The following ARHGAP26 variants were observed in gnomAD, a reference collection of about 807,000 sequenced individuals.
ARHGAP26 encodes Rho GTPase activating protein 26.
A neutral mutation model predicts 104.8 loss-of-function variants in ARHGAP26; 38 were observed. That is an observed-to-expected ratio of 0.36 (90% CI 0.28 to 0.48). The LOEUF is 0.48. Ranked by LOEUF, ARHGAP26 falls within the 20% of genes least tolerant of loss-of-function variation. The pLI is 0.99. For synonymous variants in ARHGAP26, 341 were observed against 340.0 expected, an observed-to-expected ratio of 1.00 and a Z score of -0.03; for missense variants, 704 against 947.9, an observed-to-expected ratio of 0.74 and a Z score of 3.38.
At chr5:142,909,066 T>G (rs1761497692) in intron 9 of ARHGAP26, among the ~76,000 whole-genome samples, 1 of 152,244 alleles carries the variant, frequency 6.6e-6, no homozygotes, top group African/African-American at 2.4e-5. Flanking sequence ...TTTCCAGGAT[T>G]TGAGATTTGG....
At chr5:143,163,233 A>G (rs76764976) in intron 20 of ARHGAP26, among the ~76,000 whole-genome samples, 13,624 of 152,264 alleles carry the variant, frequency 0.089, 643 homozygotes, top group African/African-American at 0.11. Context: ...CATTGCTGCC[A>G]ATGCAAGATA....
intron 11 of ARHGAP26, among the ~76,000 whole-genome samples, chr5:143,003,109 C>G (rs896139911): frequency 1.3e-5 from 2 of 152,124 alleles, no homozygotes; most frequent in Non-Finnish European, 2.9e-5. Flanking sequence ...GGAGAAGCAC[C>G]CACAACAATC....
At chr5:142,959,018 C>T (rs1454096620) in intron 11 of ARHGAP26, among the ~76,000 whole-genome samples, 1 of 151,780 alleles carries the variant, frequency 6.6e-6, no homozygotes, top group South Asian at 2.1e-4. Context: ...TAGAGACTAT[C>T]AGAGCTTGAG....
At chr5:143,181,032 C>T (rs186134436) in intron 20 of ARHGAP26, among the ~76,000 whole-genome samples, 10 of 152,320 alleles carry the variant, frequency 6.6e-5, no homozygotes, top group African/African-American at 2.2e-4. Context: ...CAACAATGAT[C>T]AAGACCTGTT....
At chr5:142,806,114 GAC>G (rs1762939719) in intron 1 of ARHGAP26, among the ~76,000 whole-genome samples, 1 of 152,194 alleles carries the variant, frequency 6.6e-6, no homozygotes, top group Non-Finnish European at 1.5e-5. Flanking sequence ...TGTTGTCGGA[GAC>G]AGAGTCTTGC....
chr5:142,967,187 C>A (rs149477577), intron 11 of ARHGAP26, among the ~76,000 whole-genome samples: 1,721 of 152,104 alleles, frequency 0.011, 28 homozygotes, highest in African/African-American at 0.039. Flanking sequence ...AGATTCAGGG[C>A]AGGGAAAACA....
At chr5:143,012,576 T>A (rs567947714) in intron 11 of ARHGAP26, among the ~76,000 whole-genome samples, 28 of 57,012 alleles carry the variant, frequency 4.9e-4, no homozygotes, top group African/African-American at 1.1e-3. Context: ...TATATATATA[T>A]TATGATCAGG....
intron 5 of ARHGAP26, among the ~76,000 whole-genome samples, chr5:142,892,966 TCCCAC>T (rs1316371013): frequency 4.1e-5 from 4 of 97,666 alleles, no homozygotes; most frequent in African/African-American, 1.2e-4. Context: ...TCTTCATCCT[TCCCAC>T]CCCACCCCAC....
At chr5:143,048,107 C>T (rs150600242) in intron 14 of ARHGAP26, among the ~76,000 whole-genome samples, 3,947 of 152,180 alleles carry the variant, frequency 0.026, 170 homozygotes, top group African/African-American at 0.09. Context: ...CCTTGGCCTC[C>T]CAAAGTGCTG....
intron 1 of ARHGAP26, among the ~76,000 whole-genome samples, chr5:142,837,287 GA>G (rs1416711586): frequency 4.6e-5 from 7 of 152,138 alleles, no homozygotes; most frequent in Non-Finnish European, 8.8e-5. Flanking sequence ...TACTCTATTG[GA>G]AAGTTCTGTT....
chr5:142,844,410 G>A (rs910808633), intron 1 of ARHGAP26, among the ~76,000 whole-genome samples: 13 of 149,274 alleles, frequency 8.7e-5, no homozygotes, highest in Middle Eastern at 3.5e-3. Context: ...CAGTTTTAAA[G>A]CTTTTTTTTT....
rs115371922 is a variant in ARHGAP26 at position 142,949,540 on chromosome 5, G to T, written c.1107+17415G>T. On this transcript the variant is annotated intron_variant, in intron 11 of 22. Transcript: ENST00000645722. ...TACCCAGAAGGTAGGCTGTTTCCTT[G>T]GATAGGTATCAGTATTTTTTCTTTG... 9.4e-3 allele frequency among the ~76,000 whole-genome samples: 1,429 copies of T among 152,220 alleles called. 21 individuals are homozygous for T. The highest frequency in any genetic ancestry group is 0.032 in the African/African-American group (1,323 of 41,530).
Position 143,222,554 on chromosome 5 carries a change from C to T in ARHGAP26, c.*108C>T, listed in dbSNP as rs183527925. The stretch of plus-strand genomic sequence containing the variant: ...CCACTGAGAAATGCAGCGTGACTGA[C>T]TCTGTTGCTACCTGTCAACATGAAT... On this transcript the variant is annotated 3_prime_UTR_variant, in exon 23 of 23. Coordinates refer to ENST00000645722, the MANE Select transcript of ARHGAP26 (RefSeq NM_001135608.3). 2.4e-4 allele frequency: 196 copies of T among 815,334 alleles called. No individual in the cohort carries two copies. The African/African-American group carries it at 2.9e-3, about 12-fold the overall frequency. The allele number at this position is 815,334 out of a possible 1,614,324, so 50.5% of individuals were successfully genotyped here.
Position 143,014,090 on chromosome 5 carries a change from C to T in ARHGAP26, c.1118C>T (p.Ser373Leu), listed in dbSNP as rs1420238516. Residue 373 changes from serine (S) to leucine (L), a missense_variant, in exon 12 of 23, where the codon TCG (serine) becomes TTG (leucine). Coordinates refer to ENST00000645722, the MANE Select transcript of ARHGAP26 (RefSeq NM_001135608.3). ...AMDGREPVYN[S>L]NKDSQSEGTA... is the part of the protein sequence containing the mutation. ...ATTTTTATTTTCCAGGTCTACAACT[C>T]GAACAAAGACAGCCAGAGTGAAGGG... 6.2e-6 allele frequency: 10 copies of T among 1,614,104 alleles called. No homozygotes were observed. In the South Asian group the frequency reaches 9.9e-5, roughly 16 times the overall value.
intron 11 of ARHGAP26, among the ~76,000 whole-genome samples, chr5:142,997,108 T>C (rs943319565): frequency 3.2e-4 from 48 of 150,128 alleles, no homozygotes; most frequent in Non-Finnish European, 6.7e-4. Flanking sequence ...AAACTTTATA[T>C]ATATGCATTT....
rs547419113 is a variant in ARHGAP26 at position 142,962,581 on chromosome 5, A to T, written c.1107+30456A>T. Among the ~76,000 whole-genome samples, 18 of 152,196 alleles carry T rather than the reference A, an allele frequency of 1.2e-4. No individual in the cohort carries two copies. The South Asian group carries it at 1.9e-3, about 16-fold the overall frequency. ...CCACAAGAATTTTCCTTGTTTGACT[A>T]ACAGGCCTGAATGGTGAAAGGTTTT... On this transcript the variant is annotated intron_variant, in intron 11 of 22. Coordinates refer to ENST00000645722, the MANE Select transcript of ARHGAP26 (RefSeq NM_001135608.3).
At chr5:143,143,849 G>A (rs1001040500) in intron 19 of ARHGAP26, among the ~76,000 whole-genome samples, 20 of 152,168 alleles carry the variant, frequency 1.3e-4, no homozygotes, top group African/African-American at 4.8e-4. Context: ...CATGCAGTTT[G>A]TCACTCCTTA....
At chr5:142,808,236 G>GAAA (rs58550799) in intron 1 of ARHGAP26, among the ~76,000 whole-genome samples, 2 of 32,698 alleles carry the variant, frequency 6.1e-5, no homozygotes, top group Admixed American at 4.4e-4. Context: ...CATTGTCTCG[G>GAAA]AAAAAAAAAA....
intron 1 of ARHGAP26, among the ~76,000 whole-genome samples, chr5:142,816,438 C>G (rs1244282017): frequency 6.6e-6 from 1 of 152,166 alleles, no homozygotes; most frequent in Non-Finnish European, 1.5e-5. Context: ...TTAAATAGTG[C>G]CATAGGAGGA....
Sources: gnomAD v4.1 joint callset for allele counts (sites outside exome capture counted in the v4.1 genomes callset) on GRCh38, gnomAD v4.1.1 for gene constraint, MANE v1.5 for transcripts, NCBI Gene and HGNC (gene_info 2026-07-23, HGNC 2026-07-21) for gene names.